VPS37C: variants seen among roughly 807,000 people sequenced by gnomAD.
The protein encoded by VPS37C is vacuolar protein sorting-associated protein 37C.
VPS37C carries 9 observed loss-of-function variants against 16.1 expected under a neutral mutation model. The observed-to-expected ratio is 0.56, with a 90% CI of 0.34 to 0.97. The LOEUF is 0.97. VPS37C is among the 50% of genes least tolerant of loss of function. The pLI, the probability that VPS37C is intolerant of heterozygous loss-of-function variation, is 0.02. For synonymous variants in VPS37C, 207 were observed against 206.4 expected (o/e 1.00, Z -0.02); for missense variants, 479 against 472.7 (o/e 1.01, Z -0.12).
chr11:61,161,085 G>A (rs1853465620), intron 1 of VPS37C: 1 of 152,352 alleles, frequency 6.6e-6, no homozygotes, highest in Admixed American at 6.5e-5. Context: ...GCTCACATAT[G>A]GGACGAGGGC....
Position 61,160,780 on chromosome 11 carries a change from T to C in VPS37C, c.-7+611A>G, listed in dbSNP as rs146059660. ...AGAGGAACCAGGCATATAATGGGTA[T>C]GTATACATCAGTGCCCTTTGCGCCC... On this transcript the variant is annotated intron_variant, in intron 1 of 4. Coordinates refer to ENST00000301765, the MANE Select transcript of VPS37C (RefSeq NM_017966.5). 4.0e-4 allele frequency among the ~76,000 whole-genome samples: 61 copies of C among 152,294 alleles called. 1 individual carries two copies. The East Asian group carries it at 0.011, about 28-fold the overall frequency.
At chr11:61,158,968 C>T (rs1386940055) in intron 1 of VPS37C, among the ~76,000 whole-genome samples, 1 of 152,192 alleles carries the variant, frequency 6.6e-6, no homozygotes, top group Non-Finnish European at 1.5e-5. Context: ...CTTGTGGAAA[C>T]GCCACATCCT....
At chr11:61,140,699 C>T (rs1290811960) in intron 1 of VPS37C, among the ~76,000 whole-genome samples, 1 of 152,228 alleles carries the variant, frequency 6.6e-6, no homozygotes, top group Non-Finnish European at 1.5e-5. Context: ...AGCTCTATGC[C>T]AGTCCTATCA....
chr11:61,147,660 T>C (rs1853233640), intron 1 of VPS37C, among the ~76,000 whole-genome samples: 1 of 151,948 alleles, frequency 6.6e-6, no homozygotes, highest in African/African-American at 2.4e-5. Context: ...ACAAATCGTT[T>C]CCACTGATCA....
chr11:61,141,671 C>CA (rs369879059), intron 1 of VPS37C, among the ~76,000 whole-genome samples: 1 of 152,358 alleles, frequency 6.6e-6, no homozygotes, highest in East Asian at 1.9e-4. Flanking sequence ...GCCCCTCCCT[C>CA]ACAGGGCGGG....
In VPS37C at chr11:61,134,219, G is replaced by A; in HGVS notation, c.94-12C>T. 6.2e-7 allele frequency: 1 copy of A among 1,605,230 alleles called. No homozygotes were observed. The highest frequency in any genetic ancestry group is 8.5e-7 in the Non-Finnish European group (1 of 1,173,496). ...TGTAGGTCCTGGACCTAAAAGGGCA[G>A]GACAACAGAACCTAAGGAAAACGTC... On this transcript the variant is annotated splice_polypyrimidine_tract_variant and intron_variant, in intron 2 of 4. Transcript: ENST00000301765.
chr11:61,134,341 C>G, intron 2 of VPS37C, 134 bp from the exon 3 acceptor site: 1 of 955,636 alleles, frequency 1.0e-6, no homozygotes, highest in African/African-American at 1.6e-5. Flanking sequence ...AATACTCAGC[C>G]CTCAACTAGT....
At chr11:61,132,747 G>A (rs961632130) in intron 4 of VPS37C, 6 of 721,358 alleles carry the variant, frequency 8.3e-6, no homozygotes, top group Non-Finnish European at 1.3e-5. Flanking sequence ...TGAAGGCGAG[G>A]ACTGTCTCTG....
In VPS37C at chr11:61,132,377, G is replaced by A. The variant is rs955654233; in HGVS notation, c.511C>T (p.Pro171Ser). The A allele has an allele frequency of 1.9e-6, 3 of 1,601,178 alleles. No homozygotes were observed. The highest frequency in any genetic ancestry group is 3.5e-5 in the Admixed American group (2 of 57,914). ...RASQELAGDA[P>S]PPRPPPPVRP... ...ACCGGGGGTGGTGGACGGGGTGGAGGGGCATCGCCGGCCAGCTCCTGGGAA... is the reference window on the plus strand; with the variant it reads ...ACCGGGGGTGGTGGACGGGGTGGAGAGGCATCGCCGGCCAGCTCCTGGGAA... The change falls in exon 5 of 5, where the codon CCT (proline) becomes TCT (serine). Residue 171 changes from proline (P) to serine (S), a missense_variant. Physicochemically the swap from Pro to Ser is moderately conservative, Grantham distance 74. Transcript: ENST00000301765.
intron 1 of VPS37C, among the ~76,000 whole-genome samples, chr11:61,141,387 A>T (rs957993536): frequency 3.3e-5 from 5 of 151,814 alleles, no homozygotes; most frequent in Non-Finnish European, 5.9e-5. Flanking sequence ...AAAAGAAAAG[A>T]AAGTAAGTAA....
In VPS37C at chr11:61,131,329, CA is replaced by C. The variant is rs1055677498; in HGVS notation, c.*490del. ...CTCCAATCCAACCCCTGCCACAGTG[CA>C]TGGGCAGGCTAGCCTTGAATGGACT... On this transcript the variant is annotated 3_prime_UTR_variant, in exon 5 of 5. Coordinates refer to ENST00000301765, the MANE Select transcript of VPS37C (RefSeq NM_017966.5). The C allele has an allele frequency of 1.3e-5, 2 of 159,348 alleles. No individual in the cohort carries two copies. Among genetic ancestry groups the C allele is most frequent in the African/African-American group, 4.8e-5 (2 of 41,588 alleles). The allele number at this position is 159,348 out of a possible 1,614,324, so 9.9% of individuals were successfully genotyped here.
At chr11:61,153,503 CA>C (rs1446766168) in intron 1 of VPS37C, among the ~76,000 whole-genome samples, 1 of 152,162 alleles carries the variant, frequency 6.6e-6, no homozygotes, top group Non-Finnish European at 1.5e-5. Flanking sequence ...GCTGACTGGA[CA>C]GGGACTTCCA....
intron 1 of VPS37C, among the ~76,000 whole-genome samples, chr11:61,153,465 G>T (rs767010850): frequency 6.6e-6 from 1 of 152,086 alleles, no homozygotes; most frequent in Admixed American, 6.6e-5. Context: ...GTGAAAAAAC[G>T]GACTAATACA....
At chr11:61,153,003 T>A (rs1350236540) in intron 1 of VPS37C, among the ~76,000 whole-genome samples, 1 of 152,256 alleles carries the variant, frequency 6.6e-6, no homozygotes, top group Non-Finnish European at 1.5e-5. Flanking sequence ...GGAATCAGCA[T>A]GCTTCTCCAG....
At chr11:61,134,434 C>G (rs983811993) in intron 2 of VPS37C, among the ~76,000 whole-genome samples, 4 of 152,186 alleles carry the variant, frequency 2.6e-5, no homozygotes, top group Non-Finnish European at 5.9e-5. Context: ...GGTGGAGACG[C>G]ATGGGAACCT....
chr11:61,133,141 T>C (rs1590783120), intron 4 of VPS37C, 114 bp downstream of exon 4: 1 of 1,197,432 alleles, frequency 8.4e-7, no homozygotes, highest in African/African-American at 1.5e-5. Context: ...CTCTGCCATC[T>C]ACGAAAGCTC....
chr11:61,150,898 G>A (rs921243196), intron 1 of VPS37C, among the ~76,000 whole-genome samples: 3 of 152,156 alleles, frequency 2.0e-5, no homozygotes, highest in Non-Finnish European at 2.9e-5. Flanking sequence ...ACTGTGACAG[G>A]CCCTGCGTCT....
intron 1 of VPS37C, among the ~76,000 whole-genome samples, chr11:61,146,182 C>T (rs1269201501): frequency 6.6e-6 from 1 of 152,194 alleles, no homozygotes; most frequent in Non-Finnish European, 1.5e-5. Context: ...CGCCTGCTCG[C>T]ATTTCTCCAC....
At chr11:61,134,495 T>C (rs1388742722) in intron 2 of VPS37C, among the ~76,000 whole-genome samples, 1 of 152,182 alleles carries the variant, frequency 6.6e-6, no homozygotes, top group East Asian at 1.9e-4. Context: ...ATATCCATGA[T>C]GGAATGTGCA....
Sources: gnomAD v4.1 joint callset for allele counts (sites outside exome capture counted in the v4.1 genomes callset) on GRCh38, gnomAD v4.1.1 for gene constraint, MANE v1.5 for transcripts, NCBI Gene and HGNC (gene_info 2026-07-23, HGNC 2026-07-21) for gene names.